The following GPRIN3 variants were observed in gnomAD, a reference collection of about 807,000 sequenced individuals.
GPRIN3 encodes G protein-regulated inducer of neurite outgrowth 3.
A neutral mutation model predicts 13.7 loss-of-function variants in GPRIN3; 12 were observed. The ratio of observed to expected loss-of-function variants is 0.87; its 90% CI spans 0.56 to 1.42. The LOEUF is 1.42. GPRIN3 is among the 40% of genes most tolerant of loss of function. The probability of loss-of-function intolerance (pLI) is 0.00; values close to 1 mark genes in which losing one functional copy is unlikely to be tolerated. For synonymous variants in GPRIN3, 377 were observed against 372.7 expected (o/e 1.01, Z -0.13); for missense variants, 1,009 against 958.7 (o/e 1.05, Z -0.69).
intron 1 of GPRIN3, 25 bp from the exon 2 acceptor site, chr4:89,250,258 T>C (rs1372151961): frequency 3.4e-5 from 50 of 1,461,306 alleles, no homozygotes; most frequent in Non-Finnish European, 4.1e-5. Context: ...AACAGCATCA[T>C]TAATACAGTA....
intron 1 of GPRIN3, among the ~76,000 whole-genome samples, chr4:89,275,805 C>A (rs749262990): frequency 1.3e-5 from 2 of 152,152 alleles, no homozygotes; most frequent in Non-Finnish European, 2.9e-5. Context: ...ACTACAATGC[C>A]GTCACGGTAA....
intron 1 of GPRIN3, among the ~76,000 whole-genome samples, chr4:89,298,675 G>GTA (rs1216676059): frequency 0.021 from 3,182 of 150,576 alleles, 108 homozygotes; most frequent in African/African-American, 0.071. Flanking sequence ...ATATATATAT[G>GTA]TATATATATA....
At position 89,244,327 on chromosome 4, in the gene GPRIN3, T is replaced by A. The variant is rs2149248844; in HGVS notation, c.*3453A>T. Reference sequence around the variant, plus strand: ...TTTTATGTTTAACTTTATAACATGGTGAACACTGGTATTCAAAACAGTATC... The same window carrying A: ...TTTTATGTTTAACTTTATAACATGGAGAACACTGGTATTCAAAACAGTATC... On this transcript the variant is annotated 3_prime_UTR_variant, in exon 2 of 2. Coordinates refer to ENST00000609438, the MANE Select transcript of GPRIN3 (RefSeq NM_198281.3). 6.6e-6 allele frequency: 1 copy of A among 152,292 alleles called. No individual in the cohort carries two copies. 9.4% of individuals were successfully genotyped at this position (152,292 alleles called of 1,614,324 possible).
At chr4:89,253,259 G>A (rs1331526616) in intron 1 of GPRIN3, among the ~76,000 whole-genome samples, 2 of 152,230 alleles carry the variant, frequency 1.3e-5, no homozygotes, top group East Asian at 1.9e-4. Context: ...CTCCAAAATG[G>A]CCATTATTAC....
chr4:89,261,283 C>G (rs1027710386), intron 1 of GPRIN3, among the ~76,000 whole-genome samples: 1 of 152,154 alleles, frequency 6.6e-6, no homozygotes, highest in Admixed American at 6.5e-5. Context: ...CTCCCCAGAT[C>G]CCAGTAGTGC....
chr4:89,283,660 A>G (rs527470414), intron 1 of GPRIN3, among the ~76,000 whole-genome samples: 2 of 152,192 alleles, frequency 1.3e-5, no homozygotes, highest in South Asian at 4.2e-4. Context: ...TATCTAAGAG[A>G]AGGCCCACCC....
chr4:89,262,005 C>T (rs1723643391), intron 1 of GPRIN3, among the ~76,000 whole-genome samples: 1 of 151,640 alleles, frequency 6.6e-6, no homozygotes, highest in Admixed American at 6.6e-5. Flanking sequence ...GCCTGTGGTC[C>T]CAGCTACTTG....
chr4:89,248,369 G>A lies in GPRIN3; in HGVS notation c.1742C>T (p.Thr581Ile), dbSNP rs1437522348. ...CTGGTTCTTCCTAATTGGGGAGGGT[G>A]TAGGATTAGCAGCTGATTCTGTGCC... The part of the protein sequence containing the change: ...SGGTESAANP[T>I]PSPIRKNQES... Residue 581 changes from threonine (T) to isoleucine (I), a missense_variant, in exon 2 of 2, where the codon ACA becomes ATA. By Grantham distance (89) the Thr-to-Ile change is moderately conservative (BLOSUM62 -1). Transcript: ENST00000609438. The A allele has an allele frequency of 6.2e-7, 1 of 1,614,186 alleles. No individual in the cohort carries two copies. The highest frequency in any genetic ancestry group is 2.2e-5 in the East Asian group (1 of 44,872).
intron 1 of GPRIN3, among the ~76,000 whole-genome samples, chr4:89,306,253 G>A (rs1441123768): frequency 6.6e-6 from 1 of 152,122 alleles, no homozygotes; most frequent in Admixed American, 6.5e-5. Flanking sequence ...GTTACTCAGG[G>A]CAGGCCAATG....
At chr4:89,277,689 G>T (rs1487923908) in intron 1 of GPRIN3, among the ~76,000 whole-genome samples, 1 of 152,186 alleles carries the variant, frequency 6.6e-6, no homozygotes, top group Non-Finnish European at 1.5e-5. Context: ...GTTGCCCATT[G>T]TTTGACTCAG....
rs766149311 is a variant in GPRIN3, at chr4:89,248,009, T to C, written c.2102A>G (p.Asp701Gly). The C allele has an allele frequency of 2.5e-6, 4 of 1,614,146 alleles. No homozygotes were observed. The South Asian group carries it at 3.3e-5, about 13-fold the overall frequency. The change falls in exon 2 of 2, where the codon GAC becomes GGC. Residue 701 changes from aspartate to glycine, a missense_variant. Transcript: ENST00000609438. ...GATCGCGATTCCCAGGGACTCTGCGTCCAAGGATGCACCATACACTTCCCA... is the reference window on the plus strand; with the variant it reads ...GATCGCGATTCCCAGGGACTCTGCGCCCAAGGATGCACCATACACTTCCCA... ...MTWEVYGASL[D>G]AESLGIAIQN...
intron 1 of GPRIN3, among the ~76,000 whole-genome samples, chr4:89,253,820 T>C (rs1723394512): frequency 6.6e-6 from 1 of 152,158 alleles, no homozygotes; most frequent in Non-Finnish European, 1.5e-5. Flanking sequence ...TCAATACTAC[T>C]CTCCAATCTG....
At chr4:89,291,686 G>A (rs1215275504) in intron 1 of GPRIN3, among the ~76,000 whole-genome samples, 1 of 152,058 alleles carries the variant, frequency 6.6e-6, no homozygotes, top group East Asian at 1.9e-4. Context: ...AATAGGAGTG[G>A]TCATATGGTA....
rs1369318734 is a variant in GPRIN3 at position 89,238,594 on chromosome 4, C to A, written c.*9186G>T. Reference sequence around the variant, plus strand: ...TCATTCTCACCAAACAACACACACACAACGCACAAACACACACACACTCTG... The same window carrying A: ...TCATTCTCACCAAACAACACACACAAAACGCACAAACACACACACACTCTG... On this transcript the variant is annotated 3_prime_UTR_variant, in exon 2 of 2. Coordinates refer to ENST00000609438, the MANE Select transcript of GPRIN3 (RefSeq NM_198281.3). The A allele has an allele frequency of 1.3e-5, 2 of 150,384 alleles. No individual in the cohort carries two copies. The highest frequency in any genetic ancestry group is 4.9e-5 in the African/African-American group (2 of 40,674). 9.3% of individuals were successfully genotyped at this position (150,384 alleles called of 1,614,324 possible).
intron 1 of GPRIN3, among the ~76,000 whole-genome samples, chr4:89,304,405 C>T (rs537612031): frequency 6.6e-6 from 1 of 151,762 alleles, no homozygotes; most frequent in South Asian, 2.1e-4. Flanking sequence ...CAGGCTTGCA[C>T]ACACACACAC....
intron 1 of GPRIN3, among the ~76,000 whole-genome samples, chr4:89,283,047 A>T (rs1392633801): frequency 6.6e-6 from 1 of 152,228 alleles, no homozygotes; most frequent in Non-Finnish European, 1.5e-5. Flanking sequence ...GATTGTTATT[A>T]ATATTAACAA....
At chr4:89,260,423 T>G (rs13146713) in intron 1 of GPRIN3, among the ~76,000 whole-genome samples, 1 of 152,108 alleles carries the variant, frequency 6.6e-6, no homozygotes, top group African/African-American at 2.4e-5. Context: ...CAGTTGTGAT[T>G]AAAAAAGCGA....
intron 1 of GPRIN3, among the ~76,000 whole-genome samples, chr4:89,287,848 C>T (rs1724464378): frequency 6.6e-6 from 1 of 151,982 alleles, no homozygotes; most frequent in Non-Finnish European, 1.5e-5. Flanking sequence ...CATAATAAAT[C>T]CTAAAGTTAA....
intron 1 of GPRIN3, among the ~76,000 whole-genome samples, chr4:89,287,338 A>G (rs1013477156): frequency 7.2e-5 from 11 of 152,232 alleles, no homozygotes; most frequent in Non-Finnish European, 1.2e-4. Flanking sequence ...AAAAATGCAT[A>G]TAATTTTATT....
Sources: gnomAD v4.1 joint callset for allele counts (sites outside exome capture counted in the v4.1 genomes callset) on GRCh38, gnomAD v4.1.1 for gene constraint, MANE v1.5 for transcripts, NCBI Gene and HGNC (gene_info 2026-07-23, HGNC 2026-07-21) for gene names.